Variants in AP2B1 observed in about 807,000 individuals in gnomAD.
AP2B1 encodes AP-2 complex subunit beta.
A neutral mutation model predicts 102.0 loss-of-function variants in AP2B1; 23 were observed. The observed-to-expected ratio is 0.23, with a 90% confidence interval of 0.16 to 0.32. AP2B1 has a LOEUF of 0.32. Among genes scored for constraint, AP2B1 ranks in the 10% least tolerant of loss-of-function variants. The pLI, the probability that AP2B1 is intolerant of heterozygous loss-of-function variation, is 1.00. For missense variants in AP2B1, 541 were observed against 1,157.4 expected (o/e 0.47, Z 7.73); for synonymous variants, 381 against 421.2 (o/e 0.90, Z 1.17).
chr17:35,587,514 A>C (rs1414254044), intron 1 of AP2B1, 86 bp downstream of exon 1: 1 of 152,890 alleles, frequency 6.5e-6, no homozygotes, highest in Admixed American at 6.5e-5. Flanking sequence ...GCTGGGTCGG[A>C]GACCGGCGGA....
Position 35,709,350 on chromosome 17 carries a change from C to G in AP2B1, c.2539+42C>G, listed in dbSNP as rs782279503. On this transcript the variant is annotated intron_variant, in intron 19 of 21. Transcript: ENST00000610402. The stretch of plus-strand genomic sequence containing the variant: ...CTGTCCTGCTGAATATACCTTTGCC[C>G]TTCCTGTGCATGTCAGGCAGAGCAT... The G allele has an allele frequency of 4.6e-6, 7 of 1,537,872 alleles. No homozygotes were observed. In the Admixed American group the frequency reaches 1.2e-4, roughly 26 times the overall value.
At chr17:35,665,806 C>T (rs111460145) in intron 14 of AP2B1, among the ~76,000 whole-genome samples, 212 of 152,270 alleles carry the variant, frequency 1.4e-3, no homozygotes, top group Non-Finnish European at 2.5e-3. Flanking sequence ...AGAATGTCTT[C>T]AGATACCTAG....
At chr17:35,613,477 G>A (rs1286181207) in intron 5 of AP2B1, among the ~76,000 whole-genome samples, 1 of 151,998 alleles carries the variant, frequency 6.6e-6, no homozygotes, top group Non-Finnish European at 1.5e-5. Flanking sequence ...TAGTTTAGTT[G>A]AAGCTAACTT....
intron 18 of AP2B1, among the ~76,000 whole-genome samples, chr17:35,688,801 TAAAAATACA>T (rs948563046): frequency 6.6e-6 from 1 of 152,008 alleles, no homozygotes; most frequent in Non-Finnish European, 1.5e-5. Flanking sequence ...CTATCTCTAC[TAAAAATACA>T]AAAATTAGCC....
chr17:35,695,317 T>C (rs2076120494), intron 18 of AP2B1, among the ~76,000 whole-genome samples: 1 of 152,142 alleles, frequency 6.6e-6, no homozygotes, highest in African/African-American at 2.4e-5. Context: ...GGATTTATTT[T>C]ATTTAACTTA....
intron 2 of AP2B1, among the ~76,000 whole-genome samples, chr17:35,595,381 GA>G (rs1473670739): frequency 2.0e-5 from 3 of 151,558 alleles, no homozygotes; most frequent in South Asian, 4.2e-4. Context: ...CTATCTCTAT[GA>G]AAAAAAATTT....
intron 3 of AP2B1, 87 bp from the exon 4 acceptor site, chr17:35,605,618 T>C: frequency 1.1e-6 from 1 of 882,678 alleles, no homozygotes; most frequent in South Asian, 1.7e-5. Flanking sequence ...ATCAAATCAC[T>C]GTTAGTTAAG....
intron 17 of AP2B1, among the ~76,000 whole-genome samples, chr17:35,679,711 C>G (rs929367549): frequency 5.9e-5 from 9 of 151,944 alleles, no homozygotes; most frequent in African/African-American, 2.2e-4. Context: ...CCATGTTTCC[C>G]AATATTGACT....
chr17:35,638,019 G>C (rs1201800391), intron 10 of AP2B1, among the ~76,000 whole-genome samples: 2 of 150,348 alleles, frequency 1.3e-5, no homozygotes, highest in Admixed American at 1.3e-4. Flanking sequence ...TTGTTTGTTT[G>C]TTTTCAGACA....
chr17:35,592,629 G>A lies in AP2B1; in HGVS notation c.-23-1379G>A, dbSNP rs374219837. 8.5e-5 allele frequency among the ~76,000 whole-genome samples: 13 copies of A among 152,072 alleles called. No homozygotes were observed. In the South Asian group the frequency reaches 1.5e-3, roughly 17 times the overall value. On this transcript the variant is annotated intron_variant, in intron 1 of 21. Coordinates refer to ENST00000610402, the MANE Select transcript of AP2B1 (RefSeq NM_001030006.2). ...GTGATCTCGGCTTACTGCAGCTTCC[G>A]CCTCCCAGGTCCAAGCGATTCTCCT...
At chr17:35,612,998 GA>G (rs1219972151) in intron 5 of AP2B1, among the ~76,000 whole-genome samples, 1,431 of 125,206 alleles carry the variant, frequency 0.011, 26 homozygotes, top group African/African-American at 0.039. Context: ...TCTCAAAAAA[GA>G]AAAAAAAAAT....
At chr17:35,672,023 CT>C in intron 16 of AP2B1, 123 bp downstream of exon 16, 1 of 1,088,818 alleles carries the variant, frequency 9.2e-7, no homozygotes, top group Non-Finnish European at 1.3e-6. Context: ...TTCTGGAGGA[CT>C]TAGAGGAAGA....
At chr17:35,648,715 T>A (rs1324261735) in intron 12 of AP2B1, among the ~76,000 whole-genome samples, 1 of 150,780 alleles carries the variant, frequency 6.6e-6, no homozygotes, top group Non-Finnish European at 1.5e-5. Flanking sequence ...ACAGTATATA[T>A]AATATGAAAC....
At chr17:35,631,754 T>C (rs2074468680) in intron 9 of AP2B1, among the ~76,000 whole-genome samples, 1 of 152,254 alleles carries the variant, frequency 6.6e-6, no homozygotes, top group Middle Eastern at 3.2e-3. Context: ...ATAAGGAGTA[T>C]CCTTGCAACT....
At chr17:35,685,593 C>T (rs2075914150) in intron 18 of AP2B1, among the ~76,000 whole-genome samples, 1 of 152,088 alleles carries the variant, frequency 6.6e-6, no homozygotes, top group African/African-American at 2.4e-5. Flanking sequence ...TGGATTTTAG[C>T]TATTTTGGCT....
intron 14 of AP2B1, among the ~76,000 whole-genome samples, chr17:35,669,758 C>A (rs1598234004): frequency 1.3e-5 from 2 of 152,094 alleles, no homozygotes; most frequent in East Asian, 3.8e-4. Context: ...CTTAAAGATG[C>A]AAAATAATTT....
At chr17:35,601,140 TAGG>T in intron 3 of AP2B1, 1 of 236,866 alleles carries the variant, frequency 4.2e-6, no homozygotes, top group Admixed American at 6.5e-5. Flanking sequence ...TTGAGTTTGG[TAGG>T]TAGGTACTTA....
intron 20 of AP2B1, among the ~76,000 whole-genome samples, chr17:35,715,202 G>A (rs971511767): frequency 3.9e-5 from 6 of 152,208 alleles, no homozygotes; most frequent in Non-Finnish European, 8.8e-5. Context: ...CAGGTTGCTG[G>A]CCAGAATGCT....
At chr17:35,643,494 C>T (rs1016287097) in intron 12 of AP2B1, among the ~76,000 whole-genome samples, 15 of 152,162 alleles carry the variant, frequency 9.9e-5, no homozygotes, top group Non-Finnish European at 1.9e-4. Context: ...AGCTGTATTA[C>T]GAATTCTGGC....
Sources: allele counts gnomAD v4.1 joint callset (sites outside exome capture counted in the v4.1 genomes callset), GRCh38; gene constraint gnomAD v4.1.1; transcripts MANE v1.5; gene names NCBI Gene and HGNC (gene_info 2026-07-23, HGNC 2026-07-21).